GRM7: variants seen among roughly 807,000 people sequenced by gnomAD.
The protein encoded by GRM7 is glutamate metabotropic receptor 7.
GRM7 carries 35 observed loss-of-function variants against 84.5 expected under a neutral mutation model. That is an observed-to-expected ratio of 0.41 (90% CI 0.32 to 0.55). GRM7 has a LOEUF of 0.55. Ranked by LOEUF, GRM7 falls within the 20% of genes least tolerant of loss-of-function variation. The pLI is 0.19. For missense variants in GRM7, 1,003 were observed against 1,194.6 expected (o/e 0.84, Z 2.36); for synonymous variants, 487 against 455.1 (o/e 1.07, Z -0.89).
chr3:7,644,566 C>G (rs186105341), intron 8 of GRM7, among the ~76,000 whole-genome samples: 1 of 152,192 alleles, frequency 6.6e-6, no homozygotes, highest in East Asian at 1.9e-4. Context: ...AAATGTTATT[C>G]CTCAATCTTT....
intron 2 of GRM7, among the ~76,000 whole-genome samples, chr3:7,199,903 T>C (rs572088084): frequency 6.6e-6 from 1 of 152,328 alleles, no homozygotes; most frequent in Admixed American, 6.5e-5. Flanking sequence ...CCATTTTGTG[T>C]TGCTATAATG....
chr3:7,247,876 CAAATA>C (rs546041609), intron 2 of GRM7, among the ~76,000 whole-genome samples: 27 of 151,980 alleles, frequency 1.8e-4, no homozygotes, highest in African/African-American at 6.5e-4. Context: ...GATAAAGTGC[CAAATA>C]AAATGATAAT....
intron 9 of GRM7, among the ~76,000 whole-genome samples, chr3:7,698,359 A>G (rs1480217370): frequency 6.6e-6 from 1 of 152,214 alleles, no homozygotes; most frequent in Non-Finnish European, 1.5e-5. Context: ...CTGTGTACTT[A>G]ATATGTATTA....
chr3:7,553,196 A>T (rs1256113963), intron 7 of GRM7, among the ~76,000 whole-genome samples: 1 of 152,228 alleles, frequency 6.6e-6, no homozygotes, highest in South Asian at 2.1e-4. Flanking sequence ...TTGCTAAAGC[A>T]TAGCAAGGGT....
chr3:7,581,452 A>G (rs1695247194), intron 8 of GRM7, among the ~76,000 whole-genome samples: 1 of 152,182 alleles, frequency 6.6e-6, no homozygotes, highest in South Asian at 2.1e-4. Flanking sequence ...GGGAACAGTA[A>G]ATTATTACAT....
At chr3:7,437,319 T>A (rs930559697) in intron 5 of GRM7, among the ~76,000 whole-genome samples, 3 of 152,164 alleles carry the variant, frequency 2.0e-5, no homozygotes, top group Admixed American at 6.6e-5. Flanking sequence ...GCACCCTCCT[T>A]TCTCTATCCA....
chr3:6,963,491 C>T lies in GRM7; in HGVS notation c.519+101584C>T, dbSNP rs755692088. On this transcript the variant is annotated intron_variant, in intron 1 of 9. Transcript: ENST00000357716. Reference sequence around the variant, plus strand: ...GAATGCACTAATAACCTGGGCATGGCGGTGCAATCTGTAGTCCCAGCAACT... The same window carrying T: ...GAATGCACTAATAACCTGGGCATGGTGGTGCAATCTGTAGTCCCAGCAACT... Among the ~76,000 whole-genome samples the T allele has an allele frequency of 1.5e-4, 23 of 152,220 alleles. 1 individual carries two copies. The highest frequency in any genetic ancestry group is 1.9e-4 in the East Asian group (1 of 5,164).
At position 6,991,127 on chromosome 3, in the gene GRM7, C is replaced by T. The variant is rs547000631; in HGVS notation, c.519+129220C>T. On this transcript the variant is annotated intron_variant, in intron 1 of 9. Transcript: ENST00000357716. ...ACACACACGGATGCCCTCTTACCAA[C>T]CTGCACCCTTAGTTTACTCCCATTG... Among the ~76,000 whole-genome samples the T allele has an allele frequency of 2.2e-4, 34 of 152,284 alleles. 1 individual carries two copies. Among genetic ancestry groups the T allele is most frequent in the African/African-American group, 7.7e-4 (32 of 41,568 alleles).
chr3:7,292,769 G>T (rs993754576), intron 2 of GRM7, among the ~76,000 whole-genome samples: 1 of 149,846 alleles, frequency 6.7e-6, no homozygotes, highest in Non-Finnish European at 1.5e-5. Flanking sequence ...GGTGGCTCAC[G>T]CCTGTAATCC....
chr3:7,092,959 T>C lies in GRM7; in HGVS notation c.520-53493T>C, dbSNP rs1698722704. Among the ~76,000 whole-genome samples the C allele has an allele frequency of 3.3e-5, 5 of 152,170 alleles. No individual in the cohort carries two copies. The South Asian group carries it at 1.0e-3, about 31-fold the overall frequency. ...TTAGCCAGGTGTGGTGGTGTGCACCTGTAGTCCCAGCTGCTTGGGAGACTG... is the reference window on the plus strand; with the variant it reads ...TTAGCCAGGTGTGGTGGTGTGCACCCGTAGTCCCAGCTGCTTGGGAGACTG... On this transcript the variant is annotated intron_variant, in intron 1 of 9. Coordinates refer to ENST00000357716, the MANE Select transcript of GRM7 (RefSeq NM_000844.4).
At chr3:7,338,013 A>C (rs1202654004) in intron 4 of GRM7, among the ~76,000 whole-genome samples, 1 of 151,898 alleles carries the variant, frequency 6.6e-6, no homozygotes, top group Non-Finnish European at 1.5e-5. Flanking sequence ...ATGCCCATCA[A>C]ACAATGAGCA....
intron 8 of GRM7, among the ~76,000 whole-genome samples, chr3:7,671,548 GATGTTAA>G (rs1218805572): frequency 6.6e-6 from 1 of 150,996 alleles, no homozygotes; most frequent in African/African-American, 2.4e-5. Context: ...TCTGCCTGGA[GATGTTAA>G]ATGAGAAAAA....
chr3:7,184,982 T>G (rs1048486175), intron 2 of GRM7, among the ~76,000 whole-genome samples: 3 of 152,202 alleles, frequency 2.0e-5, no homozygotes, highest in African/African-American at 7.2e-5. Flanking sequence ...ATGCTGAGTA[T>G]TTTTACACAT....
chr3:7,403,030 A>T (rs926543711), intron 4 of GRM7: 4 of 229,784 alleles, frequency 1.7e-5, no homozygotes, highest in Admixed American at 1.5e-4. Flanking sequence ...GGCTGCTGAG[A>T]CATTTTTAGA....
intron 1 of GRM7, among the ~76,000 whole-genome samples, chr3:7,001,404 C>T (rs1438153345): frequency 1.3e-5 from 2 of 152,082 alleles, no homozygotes; most frequent in African/African-American, 4.8e-5. Flanking sequence ...CGTGAATATG[C>T]TCTAGTTGGT....
In GRM7 at chr3:7,680,068, C is replaced by T. The variant is rs760785925; in HGVS notation, c.2471C>T (p.Thr824Met). 1.2e-5 allele frequency: 19 copies of T among 1,613,994 alleles called. No individual in the cohort carries two copies. The highest frequency in any genetic ancestry group is 1.6e-4 in the Middle Eastern group (1 of 6,062). The change falls in exon 9 of 10, where the codon ACG (threonine) becomes ATG (methionine). Residue 824 changes from threonine (T) to methionine (M), a missense_variant. Physicochemically the swap from Thr to Met is moderately conservative, Grantham distance 81. Coordinates refer to ENST00000357716, the MANE Select transcript of GRM7 (RefSeq NM_000844.4). ...SAEKLYIQTT[T>M]LTISMNLSAS... The stretch of plus-strand genomic sequence containing the variant: ...TCCTAGCTCTACATACAAACTACCA[C>T]GCTTACAATCTCCATGAACCTAAGT...
At chr3:7,413,141 G>A (rs1192064060) in intron 4 of GRM7, among the ~76,000 whole-genome samples, 2 of 152,146 alleles carry the variant, frequency 1.3e-5, no homozygotes, top group Non-Finnish European at 1.5e-5. Flanking sequence ...TTAGGTTGCA[G>A]GAACTACAAT....
intron 1 of GRM7, among the ~76,000 whole-genome samples, chr3:7,054,121 T>C (rs1431750888): frequency 1.3e-5 from 2 of 150,860 alleles, no homozygotes; most frequent in Admixed American, 6.6e-5. Context: ...ATTACTAGCA[T>C]ATATAAGTTC....
chr3:7,035,021 G>T (rs192241463), intron 1 of GRM7, among the ~76,000 whole-genome samples: 1 of 152,268 alleles, frequency 6.6e-6, no homozygotes, highest in Non-Finnish European at 1.5e-5. Flanking sequence ...TTCTTGGGGA[G>T]GCCTGTGGAT....
Sources: gnomAD v4.1 joint callset for allele counts (sites outside exome capture counted in the v4.1 genomes callset) on GRCh38, gnomAD v4.1.1 for gene constraint, MANE v1.5 for transcripts, NCBI Gene and HGNC (gene_info 2026-07-23, HGNC 2026-07-21) for gene names.